The following RICTOR variants were observed in gnomAD, a reference collection of about 807,000 sequenced individuals.
RICTOR encodes the protein rapamycin-insensitive companion of mTOR.
Under a neutral mutation model 214.9 loss-of-function variants are expected in RICTOR, and 49 were observed. That is an observed-to-expected ratio of 0.23 (90% CI 0.18 to 0.29). The LOEUF is 0.29. Among genes scored for constraint, RICTOR ranks in the 10% least tolerant of loss-of-function variants. The probability of loss-of-function intolerance (pLI) is 1.00; values close to 1 mark genes in which losing one functional copy is unlikely to be tolerated. For missense variants in RICTOR, 1,625 were observed against 2,047.0 expected (o/e 0.79, Z 3.98); for synonymous variants, 717 against 711.3 (o/e 1.01, Z -0.13).
chr5:39,039,076 G>T (rs1226254046), intron 2 of RICTOR, among the ~76,000 whole-genome samples: 1 of 152,090 alleles, frequency 6.6e-6, no homozygotes, highest in Non-Finnish European at 1.5e-5. Flanking sequence ...ATACTACAAG[G>T]CTACAGTAAC....
intron 2 of RICTOR, among the ~76,000 whole-genome samples, chr5:39,032,801 T>TA (rs1161503557): frequency 2.6e-5 from 4 of 152,232 alleles, no homozygotes; most frequent in Admixed American, 6.5e-5. Context: ...GAGGCAATGA[T>TA]ACGGACAGAG....
chr5:39,016,498 T>G, intron 3 of RICTOR, among the ~76,000 whole-genome samples: 1 of 148,316 alleles, frequency 6.7e-6, no homozygotes, highest in Admixed American at 6.7e-5. Flanking sequence ...AGAGAGGAGG[T>G]GGAGCGAATA....
At chr5:38,977,163 C>A (rs896065390) in intron 9 of RICTOR, among the ~76,000 whole-genome samples, 12 of 152,138 alleles carry the variant, frequency 7.9e-5, no homozygotes, top group African/African-American at 2.9e-4. Context: ...TGAAAGTAGG[C>A]CCCAGCTGAC....
At chr5:38,963,103 T>A in intron 16 of RICTOR, 62 bp from the exon 17 acceptor site, 1 of 1,158,436 alleles carries the variant, frequency 8.6e-7, no homozygotes, top group East Asian at 2.4e-5. Flanking sequence ...AGAGATTACC[T>A]TGGTAAATTA....
At chr5:39,074,302 G>C in intron 1 of RICTOR, 27 bp downstream of exon 1, 2 of 1,556,678 alleles carry the variant, frequency 1.3e-6, no homozygotes, top group South Asian at 2.4e-5. Flanking sequence ...GCCGGGCGGT[G>C]GGGAGTGAGG....
intron 11 of RICTOR, among the ~76,000 whole-genome samples, chr5:38,969,126 A>G (rs1400032315): frequency 6.6e-6 from 1 of 151,642 alleles, no homozygotes; most frequent in African/African-American, 2.4e-5. Flanking sequence ...ACCTGCCACC[A>G]CGCCCGGCTA....
chr5:38,983,240 A>C (rs1018683404), intron 7 of RICTOR, among the ~76,000 whole-genome samples: 1 of 152,220 alleles, frequency 6.6e-6, no homozygotes, highest in African/African-American at 2.4e-5. Flanking sequence ...CAGTTCTTAT[A>C]AAATTTGTCT....
At chr5:38,978,545 C>T (rs976084011) in intron 9 of RICTOR, 38 bp downstream of exon 9, 7 of 1,037,898 alleles carry the variant, frequency 6.7e-6, no homozygotes, top group Non-Finnish European at 1.0e-5. Flanking sequence ...TTAACATATA[C>T]ATTATCTTAA....
In RICTOR at chr5:38,981,880, T is replaced by C. The variant is rs1183547845; in HGVS notation, c.740A>G (p.Asp247Gly). The C allele has an allele frequency of 2.5e-6, 4 of 1,607,986 alleles. No homozygotes were observed. Among genetic ancestry groups the C allele is most frequent in the East Asian group, 4.5e-5 (2 of 44,718 alleles). ...TAAAGTTCCTACCTCTAATTCTACA[T>C]CAGCTCGCACATACTGTCGAGTCTT... The part of the protein sequence containing the change: ...HPKTRQYVRA[D>G]VELERILAPY... Residue 247 changes from aspartate (D) to glycine (G), a missense_variant, in exon 8 of 38, where the codon GAT becomes GGT. This residue lies in a region of RICTOR where 258 missense variants were observed against 393.7 expected (regional missense o/e 0.66). Coordinates refer to ENST00000357387, the MANE Select transcript of RICTOR (RefSeq NM_152756.5).
At chr5:39,047,613 T>C (rs957127901) in intron 2 of RICTOR, among the ~76,000 whole-genome samples, 6 of 152,232 alleles carry the variant, frequency 3.9e-5, no homozygotes, top group African/African-American at 1.4e-4. Context: ...CATTACCTAT[T>C]CAAAAACTAT....
Position 38,949,779 on chromosome 5 carries a change from C to T in RICTOR, c.4069G>A (p.Asp1357Asn). The T allele has an allele frequency of 6.2e-7, 1 of 1,613,402 alleles. No homozygotes were observed. Among genetic ancestry groups the T allele is most frequent in the Non-Finnish European group, 8.5e-7 (1 of 1,179,532 alleles). Residue 1357 changes from aspartate to asparagine, a missense_variant, in exon 31 of 38, where the codon GAT becomes AAT. This residue lies in a region of RICTOR where 1,214 missense variants were observed against 1,470.5 expected (regional missense o/e 0.83). Coordinates refer to ENST00000357387, the MANE Select transcript of RICTOR (RefSeq NM_152756.5). ...GTGATGGTATCAGTAAATAGCACAT[C>T]TTTTGCTGGAGATGCCAAAGCTTCA... ...HSEALASPAKDVLFTDTITMK... is the reference protein window; with the variant it reads ...HSEALASPAKNVLFTDTITMK...
chr5:39,023,021 C>T (rs1199086730), intron 2 of RICTOR, among the ~76,000 whole-genome samples: 2 of 151,902 alleles, frequency 1.3e-5, no homozygotes, highest in African/African-American at 4.8e-5. Context: ...AAAACCAGAC[C>T]TAGGCAGATT....
intron 23 of RICTOR, 23 bp downstream of exon 23, chr5:38,958,635 TAAGTATTAA>T: frequency 6.5e-7 from 1 of 1,540,140 alleles, no homozygotes; most frequent in Non-Finnish European, 8.8e-7. Flanking sequence ...CAAAAAAATT[TAAGTATTAA>T]ATTATAAAAA....
chr5:39,005,537 A>G (rs1475444815), intron 3 of RICTOR, among the ~76,000 whole-genome samples: 1 of 152,128 alleles, frequency 6.6e-6, no homozygotes, highest in African/African-American at 2.4e-5. Context: ...TTCATTTCAC[A>G]TCAATTTTCT....
chr5:38,954,330 G>T (rs112102084), intron 27 of RICTOR, among the ~76,000 whole-genome samples: 3 of 151,870 alleles, frequency 2.0e-5, no homozygotes, highest in Non-Finnish European at 4.4e-5. Context: ...CATGAAGTAC[G>T]CGAGAATAAA....
intron 7 of RICTOR, among the ~76,000 whole-genome samples, chr5:38,988,574 C>T (rs1272358035): frequency 1.3e-5 from 2 of 152,058 alleles, no homozygotes; most frequent in East Asian, 3.9e-4. Context: ...TTATTTTGAG[C>T]TTATGTGTGT....
At chr5:39,049,977 A>C (rs552365235) in intron 2 of RICTOR, among the ~76,000 whole-genome samples, 1 of 152,306 alleles carries the variant, frequency 6.6e-6, no homozygotes, top group Non-Finnish European at 1.5e-5. Flanking sequence ...CAAAAACCCA[A>C]GGACTGACAC....
chr5:38,972,083 G>A (rs1750834480), intron 10 of RICTOR, 124 bp from the exon 11 acceptor site: 1 of 550,876 alleles, frequency 1.8e-6, no homozygotes, highest in Admixed American at 3.3e-5. Flanking sequence ...ATACTATTTG[G>A]TCATCATAAG....
chr5:39,021,863 G>A (rs1385997913), intron 2 of RICTOR, among the ~76,000 whole-genome samples: 1 of 152,146 alleles, frequency 6.6e-6, no homozygotes, highest in Non-Finnish European at 1.5e-5. Flanking sequence ...TGATAGCATG[G>A]CTACAGTGTA....
Sources: allele counts gnomAD v4.1 joint callset (sites outside exome capture counted in the v4.1 genomes callset), GRCh38; gene constraint gnomAD v4.1.1; regional missense constraint gnomAD v4.1.1; transcripts MANE v1.5; gene names NCBI Gene and HGNC (gene_info 2026-07-23, HGNC 2026-07-21).